The following WDR72 variants were observed in gnomAD, a reference collection of about 807,000 sequenced individuals.
The protein encoded by WDR72 is WD repeat domain 72, also known as WD repeat-containing protein 72.
In WDR72, 120 loss-of-function variants were observed where a neutral mutation model predicts 124.2. The ratio of observed to expected loss-of-function variants is 0.97; its 90% CI spans 0.83 to 1.12. WDR72 has a LOEUF of 1.12. Among genes scored for constraint, WDR72 ranks in the 50% most tolerant of loss-of-function variants. The pLI is 0.00. For missense variants in WDR72, 1,387 were observed against 1,278.8 expected (o/e 1.08, Z -1.29); for synonymous variants, 452 against 441.7 (o/e 1.02, Z -0.29).
chr15:53,726,177 A>AATATATATAT (rs34029897), intron 2 of WDR72, among the ~76,000 whole-genome samples: 3 of 140,296 alleles, frequency 2.1e-5, no homozygotes, highest in African/African-American at 8.3e-5. Flanking sequence ...AATTGGTTGT[A>AATATATATAT]ATATATATAT....
At chr15:53,682,259 TG>T (rs1276371848) in intron 13 of WDR72, among the ~76,000 whole-genome samples, 16 of 152,172 alleles carry the variant, frequency 1.1e-4, no homozygotes, top group Non-Finnish European at 2.9e-5. Context: ...TTCACCAAAG[TG>T]GAGATCCATG....
At chr15:53,619,495 A>AAAAGTAC (rs1464791632) in intron 14 of WDR72, among the ~76,000 whole-genome samples, 5 of 152,074 alleles carry the variant, frequency 3.3e-5, no homozygotes, top group African/African-American at 1.2e-4. Context: ...ATACTTAAGC[A>AAAAGTAC]AAAGTACTTT....
At chr15:53,706,350 G>A (rs502494) in intron 9 of WDR72, among the ~76,000 whole-genome samples, 5,006 of 22,354 alleles carry the variant, frequency 0.22, 100 homozygotes, top group East Asian at 0.32. Context: ...GTGTGTGTGT[G>A]TATATATATA....
At chr15:53,704,596 A>G (rs67773493) in intron 11 of WDR72, among the ~76,000 whole-genome samples, 45,911 of 150,528 alleles carry the variant, frequency 0.3, 7,386 homozygotes, top group South Asian at 0.35. Context: ...GCGTGATCTC[A>G]GCTCACTGCA....
Position 53,722,827 on chromosome 15 carries a change from A to G in WDR72, c.235T>C (p.Tyr79His). The change falls in exon 3 of 20, where the codon TAC (tyrosine) becomes CAC (histidine). Residue 79 changes from tyrosine to histidine, a missense_variant. Coordinates refer to ENST00000360509, the MANE Select transcript of WDR72 (RefSeq NM_182758.4). The part of the protein sequence containing the change: ...ARARDFSKQP[Y>H]IVSAAENGEM... ...CCATTTTCAGCAGCACTAACAATGT[A>G]GGGCTGTTTAGAGAAGTCCCTTGCT... 1 of 1,613,164 alleles carries G rather than the reference A, an allele frequency of 6.2e-7. No individual in the cohort carries two copies. The highest frequency in any genetic ancestry group is 8.5e-7 in the Non-Finnish European group (1 of 1,179,996).
At chr15:53,547,450 A>T (rs1181731331) in intron 18 of WDR72, among the ~76,000 whole-genome samples, 1 of 152,144 alleles carries the variant, frequency 6.6e-6, no homozygotes, top group Admixed American at 6.5e-5. Context: ...TTATAATATC[A>T]TTCATTCTAT....
intron 13 of WDR72, among the ~76,000 whole-genome samples, chr15:53,678,810 AC>A (rs942847725): frequency 6.6e-5 from 10 of 152,204 alleles, no homozygotes; most frequent in African/African-American, 1.7e-4. Context: ...CTGGGTATAT[AC>A]CAAAATTGAC....
intron 18 of WDR72, among the ~76,000 whole-genome samples, chr15:53,557,185 C>T (rs1218646891): frequency 6.6e-6 from 1 of 152,028 alleles, no homozygotes; most frequent in Admixed American, 6.6e-5. Flanking sequence ...CCATAGCAGT[C>T]AGAGCAAAAT....
intron 14 of WDR72, among the ~76,000 whole-genome samples, chr15:53,632,886 T>C (rs1329440489): frequency 1.3e-5 from 2 of 152,270 alleles, no homozygotes; most frequent in Non-Finnish European, 2.9e-5. Flanking sequence ...ACCCCCATTG[T>C]ATCTTGGAAG....
intron 14 of WDR72, among the ~76,000 whole-genome samples, chr15:53,656,956 G>T (rs142368497): frequency 1.3e-5 from 2 of 151,898 alleles, no homozygotes; most frequent in African/African-American, 4.8e-5. Context: ...ATTGTGAGAG[G>T]CTACATGTTT....
chr15:53,678,803 G>A (rs1157390601), intron 13 of WDR72, among the ~76,000 whole-genome samples: 4 of 151,846 alleles, frequency 2.6e-5, no homozygotes, highest in African/African-American at 9.7e-5. Flanking sequence ...TTGACTTCTG[G>A]GTATATACCA....
intron 14 of WDR72, among the ~76,000 whole-genome samples, chr15:53,627,104 T>C (rs2014242055): frequency 6.6e-6 from 1 of 152,240 alleles, no homozygotes; most frequent in Admixed American, 6.5e-5. Flanking sequence ...GGGAAATGAC[T>C]TGTTCTAAGT....
At chr15:53,587,452 C>T (rs2012273088) in intron 18 of WDR72, among the ~76,000 whole-genome samples, 1 of 151,930 alleles carries the variant, frequency 6.6e-6, no homozygotes, top group South Asian at 2.1e-4. Context: ...TATTATATAA[C>T]AGTATGTTAC....
Position 53,616,101 on chromosome 15 carries a change from T to C in WDR72, c.2105A>G (p.Asp702Gly). 1 of 1,604,894 alleles carries C rather than the reference T, an allele frequency of 6.2e-7. No individual in the cohort carries two copies. Among genetic ancestry groups the C allele is most frequent in the African/African-American group, 1.3e-5 (1 of 74,450 alleles). Residue 702 changes from aspartate (D) to glycine (G), a missense_variant, in exon 15 of 20, where the codon GAC (aspartate) becomes GGC (glycine). Physicochemically the swap from Asp to Gly is moderately conservative, Grantham distance 94 (BLOSUM62 -1). Transcript: ENST00000360509. ...ACCACCATAGAATGAACTGGAAGAGTCAACATCACTGAGTGGAGTTGGTAG... is the reference window on the plus strand; with the variant it reads ...ACCACCATAGAATGAACTGGAAGAGCCAACATCACTGAGTGGAGTTGGTAG... ...LLLPTPLSDV[D>G]SSSSFYGGEV...
At chr15:53,587,746 G>A (rs796930880) in intron 18 of WDR72, among the ~76,000 whole-genome samples, 5 of 152,096 alleles carry the variant, frequency 3.3e-5, no homozygotes, top group Admixed American at 1.3e-4. Context: ...CATGTTCTTA[G>A]GCATATTCAG....
At chr15:53,709,335 G>T (rs371991345) in intron 9 of WDR72, among the ~76,000 whole-genome samples, 1 of 152,168 alleles carries the variant, frequency 6.6e-6, no homozygotes, top group African/African-American at 2.4e-5. Flanking sequence ...TCGCTTTTAA[G>T]ATACAGAAAC....
At chr15:53,549,145 C>T (rs1356402228) in intron 18 of WDR72, among the ~76,000 whole-genome samples, 1 of 152,170 alleles carries the variant, frequency 6.6e-6, no homozygotes, top group Non-Finnish European at 1.5e-5. Flanking sequence ...CAGTACGTCA[C>T]GTACTGTCCA....
chr15:53,523,999 C>T (rs983713177), intron 18 of WDR72, among the ~76,000 whole-genome samples: 5 of 151,936 alleles, frequency 3.3e-5, no homozygotes, highest in South Asian at 2.1e-4. Context: ...CCCATGGTAC[C>T]GACTAATTCT....
chr15:53,576,593 T>C (rs1228047301), intron 18 of WDR72, among the ~76,000 whole-genome samples: 1 of 152,100 alleles, frequency 6.6e-6, no homozygotes, highest in African/African-American at 2.4e-5. Flanking sequence ...TTCTCTCTTC[T>C]TCCCCCACCC....
Sources: gnomAD v4.1 joint callset for allele counts (sites outside exome capture counted in the v4.1 genomes callset) on GRCh38, gnomAD v4.1.1 for gene constraint, MANE v1.5 for transcripts, NCBI Gene and HGNC (gene_info 2026-07-23, HGNC 2026-07-21) for gene names.